Variants in TMIGD2 observed in about 807,000 individuals in gnomAD.
TMIGD2 encodes the protein transmembrane and immunoglobulin domain containing 2.
In TMIGD2, 18 loss-of-function variants were observed where a neutral mutation model predicts 22.6. That is an observed-to-expected ratio of 0.80 (90% confidence interval 0.55 to 1.18). TMIGD2 has a LOEUF of 1.18. TMIGD2 is among the 50% of genes most tolerant of loss of function. TMIGD2 has a pLI of 0.00. For missense variants in TMIGD2, 361 were observed against 378.2 expected (o/e 0.95, Z 0.38); for synonymous variants, 184 against 154.1 (o/e 1.19, Z -1.44).
intron 4 of TMIGD2, among the ~76,000 whole-genome samples, chr19:4,293,260 C>CTTTTTTTTTT (rs150388447): frequency 8.9e-6 from 1 of 112,424 alleles, no homozygotes; most frequent in African/African-American, 3.6e-5. Flanking sequence ...CGCGCCCGGC[C>CTTTTTTTTTT]TTTTTTTTTT....
At chr19:4,295,138 T>G (rs8107946) in intron 2 of TMIGD2, among the ~76,000 whole-genome samples, 67,972 of 150,428 alleles carry the variant, frequency 0.45, 15,480 homozygotes, top group African/African-American at 0.49. Context: ...GGTGGCGCCT[T>G]TAATCCCAAC....
In TMIGD2 at chr19:4,298,248, C is replaced by T. The variant is rs143249996; in HGVS notation, c.144G>A (p.Gln48=). ...CACGGAGCCGTTCCCAGGCTGTGGCCTGGTCCACCTGGCAGACCAGGGTCG... is the reference window on the plus strand; with the variant it reads ...CACGGAGCCGTTCCCAGGCTGTGGCTTGGTCCACCTGGCAGACCAGGGTCG... Residue 48 remains glutamine (Q), a synonymous_variant, in exon 2 of 5, where the codon CAG becomes CAA. Transcript: ENST00000301272. The T allele has an allele frequency of 4.8e-4, 767 of 1,612,704 alleles. 3 individuals carry two copies. The African/African-American group carries it at 9.4e-3, about 20-fold the overall frequency.
exon 2 of TMIGD2, chr19:4,298,194 C>T: frequency 6.2e-7 from 1 of 1,613,392 alleles, no homozygotes; most frequent in South Asian, 1.1e-5. Flanking sequence ...ACGGTTGACA[C>T]AGGATGGCCC....
At chr19:4,295,602 G>A (rs190233243) in intron 2 of TMIGD2, among the ~76,000 whole-genome samples, 1 of 152,030 alleles carries the variant, frequency 6.6e-6, no homozygotes, top group Admixed American at 6.6e-5. Context: ...TGTCTTGTTG[G>A]GTCATTGTGG....
chr19:4,298,051 G>A lies in TMIGD2; in HGVS notation c.341C>T (p.Ala114Val), dbSNP rs767095510. Residue 114 changes from alanine (A) to valine (V), a missense_variant, in exon 2 of 5, where the codon GCG becomes GTG. By Grantham distance (64) the Ala-to-Val change is moderately conservative (BLOSUM62 0). Transcript: ENST00000301272. ...CTCCAACTCAGGAATCTCTACGGCC[G>A]CCCAGCACACGTACGCCCCGCTGTG... 1.6e-5 allele frequency: 26 copies of A among 1,613,244 alleles called. No individual in the cohort carries two copies. The highest frequency in any genetic ancestry group is 1.7e-5 in the Non-Finnish European group (20 of 1,179,784).
At chr19:4,301,593 C>T (rs1267579908) in intron 1 of TMIGD2, among the ~76,000 whole-genome samples, 2 of 152,226 alleles carry the variant, frequency 1.3e-5, no homozygotes, top group African/African-American at 2.4e-5. Flanking sequence ...TCTCTTGAAC[C>T]TGGGAGGCAG....
chr19:4,296,906 G>A (rs372312606), intron 2 of TMIGD2, among the ~76,000 whole-genome samples: 2 of 152,150 alleles, frequency 1.3e-5, no homozygotes, highest in South Asian at 2.1e-4. Flanking sequence ...CATAAGTGGG[G>A]GACATGGCAA....
intron 4 of TMIGD2, among the ~76,000 whole-genome samples, chr19:4,294,070 A>T (rs1384683420): frequency 7.1e-6 from 1 of 140,872 alleles, no homozygotes; most frequent in Non-Finnish European, 1.5e-5. Flanking sequence ...CCTAATTTTT[A>T]AATTTTTTTT....
chr19:4,296,881 T>C (rs1971468083), intron 2 of TMIGD2, among the ~76,000 whole-genome samples: 1 of 152,180 alleles, frequency 6.6e-6, no homozygotes, highest in Non-Finnish European at 1.5e-5. Flanking sequence ...TTCCCGATTC[T>C]GCCCAGGATG....
In TMIGD2 at chr19:4,292,552, T is replaced by C. The variant is rs544151147; in HGVS notation, c.*47A>G. ...GTGTCTGGCCTCGATCCCCCCTTTT[T>C]TGTGTGTACCTATGGGTGGGGTCCT... On this transcript the variant is annotated 3_prime_UTR_variant, in exon 5 of 5. Coordinates refer to ENST00000301272, the Ensembl canonical transcript of TMIGD2. 1.0e-5 allele frequency: 16 copies of C among 1,571,814 alleles called. No homozygotes were observed. The African/African-American group carries it at 2.2e-4, about 21-fold the overall frequency.
At chr19:4,295,945 G>A (rs1307323326) in intron 2 of TMIGD2, among the ~76,000 whole-genome samples, 1 of 152,044 alleles carries the variant, frequency 6.6e-6, no homozygotes, top group Non-Finnish European at 1.5e-5. Flanking sequence ...TGGAGACAGG[G>A]TCGCTCTGTG....
intron 1 of TMIGD2, among the ~76,000 whole-genome samples, chr19:4,301,680 AAAAC>A (rs917563910): frequency 9.8e-5 from 15 of 152,300 alleles, no homozygotes; most frequent in Admixed American, 3.3e-4. Context: ...AAAACAAAAC[AAAAC>A]AAACAAACAA....
intron 2 of TMIGD2, among the ~76,000 whole-genome samples, chr19:4,295,117 C>T (rs1044486858): frequency 1.3e-5 from 2 of 151,664 alleles, no homozygotes; most frequent in Non-Finnish European, 2.9e-5. Flanking sequence ...TAAAAATTAG[C>T]CAGGCATGGT....
At chr19:4,296,907 G>T (rs901108536) in intron 2 of TMIGD2, among the ~76,000 whole-genome samples, 2 of 152,172 alleles carry the variant, frequency 1.3e-5, no homozygotes, top group African/African-American at 4.8e-5. Context: ...ATAAGTGGGG[G>T]ACATGGCAAA....
chr19:4,296,961 A>C (rs1971469286), intron 2 of TMIGD2, among the ~76,000 whole-genome samples: 1 of 151,896 alleles, frequency 6.6e-6, no homozygotes, highest in Non-Finnish European at 1.5e-5. Flanking sequence ...GCATAACGCT[A>C]GATATGTCTT....
exon 2 of TMIGD2, chr19:4,298,250 G>T (rs1386154511): frequency 6.2e-7 from 1 of 1,612,504 alleles, no homozygotes; most frequent in African/African-American, 1.3e-5. Context: ...GCTGTGGCCT[G>T]GTCCACCTGG....
intron 1 of TMIGD2, among the ~76,000 whole-genome samples, chr19:4,299,144 T>A (rs1295988044): frequency 1.3e-5 from 2 of 152,064 alleles, no homozygotes; most frequent in Non-Finnish European, 1.5e-5. Flanking sequence ...GGTGATTTTT[T>A]ATTTTTTTAA....
chr19:4,298,148 C>G, exon 2 of TMIGD2: 2 of 1,613,396 alleles, frequency 1.2e-6, no homozygotes, highest in Non-Finnish European at 1.7e-6. Flanking sequence ...CCCTGGGGCC[C>G]GCAGACCCCC....
intron 2 of TMIGD2, among the ~76,000 whole-genome samples, chr19:4,296,110 G>T (rs1305084714): frequency 6.6e-6 from 1 of 152,154 alleles, no homozygotes; most frequent in African/African-American, 2.4e-5. Flanking sequence ...GTAGAGATGA[G>T]GTCTTGCTGT....
Sources: gnomAD v4.1 joint callset for allele counts (sites outside exome capture counted in the v4.1 genomes callset) on GRCh38, gnomAD v4.1.1 for gene constraint, MANE v1.5 for transcripts, NCBI Gene and HGNC (gene_info 2026-07-23, HGNC 2026-07-21) for gene names.